HIP1: variants seen among roughly 807,000 people sequenced by gnomAD.
HIP1 encodes the protein huntingtin interacting protein 1, also known as huntingtin-interacting protein 1.
Under a neutral mutation model 147.6 loss-of-function variants are expected in HIP1, and 65 were observed. The ratio of observed to expected loss-of-function variants is 0.44; its 90% CI spans 0.36 to 0.54. HIP1 has a LOEUF of 0.54. Ranked by LOEUF, HIP1 falls within the 20% of genes least tolerant of loss-of-function variation. The probability of loss-of-function intolerance (pLI) is 0.00; values close to 1 mark genes in which losing one functional copy is unlikely to be tolerated. For synonymous variants in HIP1, 479 were observed against 504.0 expected (o/e 0.95, Z 0.67); for missense variants, 1,061 against 1,299.6 (o/e 0.82, Z 2.82).
intron 7 of HIP1, among the ~76,000 whole-genome samples, chr7:75,577,547 C>T (rs1795890888): frequency 6.6e-6 from 1 of 152,160 alleles, no homozygotes; most frequent in African/African-American, 2.4e-5. Flanking sequence ...GGTTTATAGG[C>T]ATGAGCCACT....
At chr7:75,541,719 GACAA>G (rs1223830757) in intron 29 of HIP1, among the ~76,000 whole-genome samples, 196 bp downstream of exon 29, 4 of 99,578 alleles carry the variant, frequency 4.0e-5, no homozygotes, top group Non-Finnish European at 6.3e-5. Context: ...AACAAAACAA[GACAA>G]ACAAAAAAAA....
At chr7:75,608,206 G>C (rs1353550903) in intron 1 of HIP1, among the ~76,000 whole-genome samples, 2 of 152,108 alleles carry the variant, frequency 1.3e-5, no homozygotes, top group Non-Finnish European at 2.9e-5. Flanking sequence ...TGCTCGGAAG[G>C]CTGAGGCAGA....
At chr7:75,570,948 T>G (rs1042049084) in intron 8 of HIP1, among the ~76,000 whole-genome samples, 13 of 152,034 alleles carry the variant, frequency 8.6e-5, no homozygotes, top group Non-Finnish European at 1.9e-4. Flanking sequence ...AGATGGAGGT[T>G]GCAGTGGGAT....
At chr7:75,738,358 G>C (rs544417554) in intron 1 of HIP1, among the ~76,000 whole-genome samples, 20 of 152,104 alleles carry the variant, frequency 1.3e-4, no homozygotes, top group Admixed American at 1.2e-3. Context: ...AGAAGTGATC[G>C]GAGGGGAAGA....
intron 1 of HIP1, among the ~76,000 whole-genome samples, chr7:75,721,109 G>A (rs1554521275): frequency 1.3e-5 from 2 of 151,796 alleles, no homozygotes; most frequent in Non-Finnish European, 2.9e-5. Context: ...ATGCACGGTG[G>A]CTCACACCTG....
intron 1 of HIP1, among the ~76,000 whole-genome samples, chr7:75,713,889 A>T (rs12056178): frequency 6.6e-6 from 1 of 151,304 alleles, no homozygotes; most frequent in Non-Finnish European, 1.5e-5. Flanking sequence ...TAGTAGAGAC[A>T]GGGTTTCACT....
chr7:75,711,594 C>T (rs73145046), intron 1 of HIP1, among the ~76,000 whole-genome samples: 1,772 of 152,238 alleles, frequency 0.012, 23 homozygotes, highest in Middle Eastern at 0.024. Flanking sequence ...AGATCAAAAA[C>T]GCCATCCTAA....
chr7:75,555,326 C>G, intron 19 of HIP1, 90 bp downstream of exon 19: 1 of 1,501,176 alleles, frequency 6.7e-7, no homozygotes, highest in Admixed American at 1.8e-5. Context: ...GCTGAGAGCC[C>G]CTGAGCTAAG....
chr7:75,634,092 C>T (rs1425369588), intron 1 of HIP1, among the ~76,000 whole-genome samples: 1 of 151,806 alleles, frequency 6.6e-6, no homozygotes, highest in Non-Finnish European at 1.5e-5. Flanking sequence ...CTCGTCTCTA[C>T]CAAAAATAAA....
chr7:75,545,050 G>A lies in HIP1; in HGVS notation c.2660+38C>T, dbSNP rs781827161. On this transcript the variant is annotated intron_variant, in intron 26 of 30. Coordinates refer to ENST00000336926, the MANE Select transcript of HIP1 (RefSeq NM_005338.7). ...TGTTTGGAGTGGATCAATGGAAGAG[G>A]GGTCATGGGAGGACCCTTGGTACCA... 5.0e-6 allele frequency: 6 copies of A among 1,195,550 alleles called. No individual in the cohort carries two copies. The Admixed American group carries it at 6.4e-5, about 13-fold the overall frequency. The allele number at this position is 1,195,550 out of a possible 1,614,324, so 74.1% of individuals were successfully genotyped here.
chr7:75,713,253 G>A (rs782115180), intron 1 of HIP1, among the ~76,000 whole-genome samples: 6 of 152,148 alleles, frequency 3.9e-5, no homozygotes, highest in African/African-American at 9.7e-5. Flanking sequence ...AGACCCTCTC[G>A]TTCAACACAC....
chr7:75,717,246 T>A (rs1384423750), intron 1 of HIP1, among the ~76,000 whole-genome samples: 3 of 152,058 alleles, frequency 2.0e-5, no homozygotes, highest in African/African-American at 7.2e-5. Flanking sequence ...GAATGATGGA[T>A]CATTGGTGAT....
chr7:75,701,586 A>G (rs965610735), intron 1 of HIP1, among the ~76,000 whole-genome samples: 1 of 152,014 alleles, frequency 6.6e-6, no homozygotes, highest in African/African-American at 2.4e-5. Context: ...ATGGTGGAGC[A>G]TGCCTGTAGT....
intron 2 of HIP1, among the ~76,000 whole-genome samples, chr7:75,594,490 T>G (rs2116980949): frequency 6.6e-6 from 1 of 152,104 alleles, no homozygotes; most frequent in East Asian, 1.9e-4. Flanking sequence ...TAAATGTCCA[T>G]CAGGGTTGGG....
chr7:75,547,764 A>G lies in HIP1; in HGVS notation c.2456T>C (p.Val819Ala). 1 of 1,613,424 alleles carries G rather than the reference A, an allele frequency of 6.2e-7. No individual in the cohort carries two copies. The highest frequency in any genetic ancestry group is 1.3e-5 in the African/African-American group (1 of 74,862). The change falls in exon 24 of 31, where the codon GTG becomes GCG. Residue 819 changes from valine to alanine, a missense_variant. By Grantham distance (64) the Val-to-Ala change is moderately conservative. Coordinates refer to ENST00000336926, the MANE Select transcript of HIP1 (RefSeq NM_005338.7). ...RAGDTGVKLE[V>A]NERILGCCTS... is the part of the protein sequence containing the mutation. ...TGCCGCTCAGACCGACCTTTCATTCACCTCCAATTTGACTCCTGTGTCTCC... is the reference window on the plus strand; with the variant it reads ...TGCCGCTCAGACCGACCTTTCATTCGCCTCCAATTTGACTCCTGTGTCTCC...
At chr7:75,657,909 C>T (rs145226656) in intron 1 of HIP1, among the ~76,000 whole-genome samples, 8 of 152,026 alleles carry the variant, frequency 5.3e-5, no homozygotes, top group African/African-American at 1.7e-4. Context: ...CACACACACA[C>T]GCACATACAC....
At chr7:75,675,385 G>A (rs1364145851) in intron 1 of HIP1, among the ~76,000 whole-genome samples, 1 of 152,010 alleles carries the variant, frequency 6.6e-6, no homozygotes, top group Non-Finnish European at 1.5e-5. Context: ...ATTTTTAGTA[G>A]ACATAGGGTT....
chr7:75,646,114 C>G (rs1554511084), intron 1 of HIP1, among the ~76,000 whole-genome samples: 1 of 152,036 alleles, frequency 6.6e-6, no homozygotes, highest in East Asian at 1.9e-4. Flanking sequence ...GAGTCTCGCT[C>G]TGTTACCCAG....
intron 4 of HIP1, among the ~76,000 whole-genome samples, chr7:75,587,059 G>A (rs1796316382): frequency 6.6e-6 from 1 of 152,146 alleles, no homozygotes; most frequent in Non-Finnish European, 1.5e-5. Flanking sequence ...TCCTGCCTCA[G>A]CCTCCCGAGT....
Sources: allele counts gnomAD v4.1 joint callset (sites outside exome capture counted in the v4.1 genomes callset), GRCh38; gene constraint gnomAD v4.1.1; transcripts MANE v1.5; gene names NCBI Gene and HGNC (gene_info 2026-07-23, HGNC 2026-07-21).